APP: variants seen among roughly 807,000 people sequenced by gnomAD.
APP encodes amyloid beta precursor protein.
APP carries 31 observed loss-of-function variants against 101.4 expected under a neutral mutation model. The observed-to-expected ratio is 0.31, with a 90% CI of 0.23 to 0.41. The LOEUF (loss-of-function observed/expected upper bound fraction) is 0.41. Among genes scored for constraint, APP ranks in the 10% least tolerant of loss-of-function variants. APP has a pLI of 1.00. For synonymous variants in APP, 366 were observed against 364.4 expected (o/e 1.00, Z -0.05); for missense variants, 839 against 1,003.7 (o/e 0.84, Z 2.22).
Position 26,042,128 on chromosome 21 carries a change from G to GA in APP, c.662+8871_662+8872insT, listed in dbSNP as rs1555854570. Among the ~76,000 whole-genome samples, 13 of 151,970 alleles carry GA rather than the reference G, an allele frequency of 8.6e-5. No individual in the cohort carries two copies. In the East Asian group the frequency reaches 1.4e-3, roughly 16 times the overall value. On this transcript the variant is annotated intron_variant, in intron 5 of 17. Coordinates refer to ENST00000346798, the MANE Select transcript of APP (RefSeq NM_000484.4). ...CTTTGCGGCCCTCTAAAGTTGTTAGGTTTTTTTTCCTTGAGCATTTAATAT... is the reference window on the plus strand; with the variant it reads ...CTTTGCGGCCCTCTAAAGTTGTTAGGATTTTTTTTCCTTGAGCATTTAATAT...
chr21:26,098,853 A>T (rs577387055), intron 2 of APP, among the ~76,000 whole-genome samples: 1 of 152,368 alleles, frequency 6.6e-6, no homozygotes, highest in African/African-American at 2.4e-5. Context: ...GTAACATGTG[A>T]TGCTTTAGCA....
chr21:26,054,330 C>T (rs1048245272), intron 3 of APP, among the ~76,000 whole-genome samples: 19 of 152,264 alleles, frequency 1.2e-4, no homozygotes, highest in Non-Finnish European at 2.6e-4. Context: ...CCATTATACC[C>T]CCACAATTCC....
intron 11 of APP, among the ~76,000 whole-genome samples, chr21:25,965,806 A>C (rs977129315): frequency 6.6e-6 from 1 of 152,238 alleles, no homozygotes; most frequent in Non-Finnish European, 1.5e-5. Context: ...GTCTACAAAA[A>C]CTAAATATTT....
intron 5 of APP, among the ~76,000 whole-genome samples, chr21:26,041,191 C>T (rs59455528): frequency 6.6e-6 from 1 of 152,296 alleles, no homozygotes; most frequent in Admixed American, 6.5e-5. Flanking sequence ...CCAAGTAAAG[C>T]CAACAGTTTT....
At chr21:25,902,977 T>C (rs1253778368) in intron 15 of APP, among the ~76,000 whole-genome samples, 2 of 152,212 alleles carry the variant, frequency 1.3e-5, no homozygotes, top group African/African-American at 2.4e-5. Context: ...TGTAATACCA[T>C]TAACTATTCT....
At chr21:25,951,373 C>G (rs2041068070) in intron 13 of APP, among the ~76,000 whole-genome samples, 1 of 152,202 alleles carries the variant, frequency 6.6e-6, no homozygotes, top group Non-Finnish European at 1.5e-5. Flanking sequence ...TGGTGAAAAC[C>G]TCTTATCCAT....
intron 3 of APP, among the ~76,000 whole-genome samples, chr21:26,074,533 T>C (rs974943295): frequency 1.3e-5 from 2 of 152,190 alleles, no homozygotes; most frequent in African/African-American, 4.8e-5. Flanking sequence ...GGCAGATCTG[T>C]TGAGGTCAGG....
At chr21:25,998,424 G>C (rs922772072) in intron 7 of APP, among the ~76,000 whole-genome samples, 2 of 149,862 alleles carry the variant, frequency 1.3e-5, no homozygotes, top group African/African-American at 4.9e-5. Flanking sequence ...GAGGTTATCA[G>C]TTCCTACACC....
intron 2 of APP, among the ~76,000 whole-genome samples, chr21:26,108,429 A>G (rs2062233343): frequency 6.6e-6 from 1 of 152,232 alleles, no homozygotes; most frequent in South Asian, 2.1e-4. Flanking sequence ...TCAAGTGCCA[A>G]ACAACCACAT....
At chr21:26,165,480 C>G (rs941823715) in intron 1 of APP, among the ~76,000 whole-genome samples, 1 of 152,252 alleles carries the variant, frequency 6.6e-6, no homozygotes, top group South Asian at 2.1e-4. Context: ...CCCATGCATT[C>G]CTGCCCTGGT....
chr21:25,946,458 G>A (rs1422053713), intron 13 of APP, among the ~76,000 whole-genome samples: 1 of 152,186 alleles, frequency 6.6e-6, no homozygotes, highest in Admixed American at 6.5e-5. Context: ...CTGAGCTCAG[G>A]AGTTTGAGAC....
At chr21:26,118,599 C>A (rs1219872250) in intron 1 of APP, among the ~76,000 whole-genome samples, 5 of 152,216 alleles carry the variant, frequency 3.3e-5, no homozygotes, top group Non-Finnish European at 5.9e-5. Context: ...GTCGCCCAGG[C>A]TGGAGTGCAG....
intron 13 of APP, among the ~76,000 whole-genome samples, chr21:25,928,320 C>T (rs1035485254): frequency 2.7e-5 from 4 of 149,350 alleles, no homozygotes; most frequent in African/African-American, 7.5e-5. Flanking sequence ...CCAGCCTGGG[C>T]GACAGAGCGA....
intron 13 of APP, among the ~76,000 whole-genome samples, chr21:25,950,033 G>GC (rs11368825): frequency 1 from 152,307 of 152,308 alleles, 76,153 homozygotes; most frequent in Non-Finnish European, 1. Context: ...TGCAAGAACA[G>GC]CCCACTTCCA....
intron 8 of APP, 124 bp from the exon 9 acceptor site, chr21:25,982,601 C>T (rs1039895852): frequency 2.1e-5 from 19 of 904,444 alleles, no homozygotes; most frequent in Non-Finnish European, 3.2e-5. Flanking sequence ...TAAAGCAGCG[C>T]ATACAAGACG....
At chr21:25,904,982 G>C (rs574536250) in intron 15 of APP, 42 bp downstream of exon 15, 1 of 1,580,324 alleles carries the variant, frequency 6.3e-7, no homozygotes, top group Admixed American at 1.7e-5. Context: ...CTCGAGCTTA[G>C]GCCCAAGATG....
At chr21:26,003,084 C>T (rs893880335) in intron 6 of APP, among the ~76,000 whole-genome samples, 5 of 152,198 alleles carry the variant, frequency 3.3e-5, no homozygotes, top group African/African-American at 1.2e-4. Context: ...TTTTCCTATA[C>T]CACTAATTAA....
chr21:25,992,855 GT>G (rs1337506929), intron 8 of APP, among the ~76,000 whole-genome samples: 1 of 152,210 alleles, frequency 6.6e-6, no homozygotes, highest in Non-Finnish European at 1.5e-5. Context: ...TAATTTGGCA[GT>G]TTTAGTTCCA....
At chr21:26,125,117 G>A (rs1319779522) in intron 1 of APP, among the ~76,000 whole-genome samples, 3 of 152,128 alleles carry the variant, frequency 2.0e-5, no homozygotes, top group South Asian at 2.1e-4. Context: ...AGTATGGGTC[G>A]GACAGGAAGC....
Sources: allele counts gnomAD v4.1 joint callset (sites outside exome capture counted in the v4.1 genomes callset), GRCh38; gene constraint gnomAD v4.1.1; transcripts MANE v1.5; gene names NCBI Gene and HGNC (gene_info 2026-07-23, HGNC 2026-07-21).